The following NEBL variants were observed in gnomAD, a reference collection of about 807,000 sequenced individuals.
The protein encoded by NEBL is nebulette.
In NEBL, 122 loss-of-function variants were observed where a neutral mutation model predicts 140.2. The observed-to-expected ratio is 0.87, with a 90% CI of 0.75 to 1.01. The LOEUF is 1.01. NEBL is among the 50% of genes least tolerant of loss of function. NEBL has a pLI of 0.00. For synonymous variants in NEBL, 436 were observed against 398.9 expected (o/e 1.09, Z -1.11); for missense variants, 1,365 against 1,231.3 (o/e 1.11, Z -1.62).
chr10:20,935,383 A>G (rs1834424674), intron 4 of NEBL, among the ~76,000 whole-genome samples: 2 of 152,360 alleles, frequency 1.3e-5, no homozygotes, highest in Middle Eastern at 6.8e-3. Flanking sequence ...CAAGTAAGGC[A>G]GCAGACGATT....
At chr10:20,859,891 T>C (rs1843495646) in intron 7 of NEBL, 65 bp from the exon 8 acceptor site, 2 of 775,118 alleles carry the variant, frequency 2.6e-6, no homozygotes, top group Non-Finnish European at 2.1e-6. Context: ...GATTTTCACG[T>C]AGATAAAATA....
At chr10:20,900,077 C>T (rs80318930), upstream of NEBL, among the ~76,000 whole-genome samples, 615 of 152,302 alleles carry the variant, frequency 4.0e-3, 2 homozygotes, top group Non-Finnish European at 6.4e-3. Flanking sequence ...CCCCTATCGA[C>T]TTTTCCAAAA....
intron 3 of NEBL, among the ~76,000 whole-genome samples, chr10:21,012,309 T>C (rs1392874166): frequency 6.6e-6 from 1 of 152,056 alleles, no homozygotes; most frequent in Non-Finnish European, 1.5e-5. Context: ...AGAGCATGAT[T>C]TATGTGAGAG....
In NEBL at chr10:20,873,576, T is replaced by C. The variant is rs1041170428; in HGVS notation, c.481-3735A>G. Among the ~76,000 whole-genome samples the C allele has an allele frequency of 2.6e-5, 4 of 152,046 alleles. No homozygotes were observed. The East Asian group carries it at 7.7e-4, about 29-fold the overall frequency. ...GAGAAAAAGAAAATAATAATAATGA[T>C]AGTCTCAATTTTAGACTATTATGTA... On this transcript the variant is annotated intron_variant, in intron 5 of 27. Transcript: ENST00000377122.
chr10:21,175,002 A>C (rs957762992), upstream of NEBL: 3 of 152,244 alleles, frequency 2.0e-5, no homozygotes, highest in Non-Finnish European at 4.4e-5. Context: ...ACCTGCATTA[A>C]GGAAAGCAAT....
At chr10:20,944,481 AT>A (rs1389540105) in intron 4 of NEBL, among the ~76,000 whole-genome samples, 1 of 152,236 alleles carries the variant, frequency 6.6e-6, no homozygotes, top group African/African-American at 2.4e-5. Context: ...CATTGCAGAC[AT>A]TTTAGGTTAA....
intron 9 of NEBL, among the ~76,000 whole-genome samples, chr10:20,856,061 C>T (rs1843047139): frequency 6.6e-6 from 1 of 152,164 alleles, no homozygotes. Flanking sequence ...ACAATGTACA[C>T]AACTTTGTAA....
At chr10:20,795,572 G>C (rs1296950466) in intron 26 of NEBL, among the ~76,000 whole-genome samples, 1 of 152,112 alleles carries the variant, frequency 6.6e-6, no homozygotes, top group Non-Finnish European at 1.5e-5. Flanking sequence ...GTGTGTGTGT[G>C]TGTGTATGTC....
chr10:20,874,165 C>T (rs1310845356), intron 5 of NEBL, among the ~76,000 whole-genome samples: 1 of 152,142 alleles, frequency 6.6e-6, no homozygotes, highest in Non-Finnish European at 1.5e-5. Context: ...TATTCTTTCT[C>T]ATTTATCTAA....
At chr10:21,048,375 G>C (rs1834611454) in intron 2 of NEBL, among the ~76,000 whole-genome samples, 1 of 149,194 alleles carries the variant, frequency 6.7e-6, no homozygotes, top group Admixed American at 6.9e-5. Context: ...AGCTTCTGAT[G>C]GTTGCCACTC....
chr10:21,130,857 A>C (rs1839069687), intron 2 of NEBL, among the ~76,000 whole-genome samples: 1 of 152,024 alleles, frequency 6.6e-6, no homozygotes, highest in African/African-American at 2.4e-5. Flanking sequence ...ATTAAATACA[A>C]TGTAAGCAGA....
chr10:21,050,205 C>G (rs181888855), intron 2 of NEBL, among the ~76,000 whole-genome samples: 5 of 152,172 alleles, frequency 3.3e-5, no homozygotes, highest in African/African-American at 1.2e-4. Context: ...TCATTAGATA[C>G]GTGCTGATAA....
chr10:20,915,563 T>C (rs1848516364), intron 4 of NEBL, among the ~76,000 whole-genome samples: 4 of 151,790 alleles, frequency 2.6e-5, no homozygotes, highest in Admixed American at 2.6e-4. Flanking sequence ...ATTTCATCCA[T>C]GTCCCTACAA....
intron 2 of NEBL, among the ~76,000 whole-genome samples, chr10:21,052,099 A>T (rs758227548): frequency 6.6e-6 from 1 of 152,194 alleles, no homozygotes; most frequent in Non-Finnish European, 1.5e-5. Flanking sequence ...TTAAAAAAAA[A>T]ACTTTACATA....
intron 18 of NEBL, among the ~76,000 whole-genome samples, chr10:20,825,184 G>T (rs1033133602): frequency 1.3e-5 from 2 of 151,950 alleles, no homozygotes; most frequent in Non-Finnish European, 2.9e-5. Context: ...CTTCACAAAC[G>T]CTGACCCACA....
At chr10:21,157,090 T>A (rs914646898) in intron 2 of NEBL, among the ~76,000 whole-genome samples, 1 of 152,136 alleles carries the variant, frequency 6.6e-6, no homozygotes, top group Non-Finnish European at 1.5e-5. Context: ...AGGTCCTGGG[T>A]GAAAGAAGAG....
At chr10:21,132,924 C>T (rs1839179455) in intron 2 of NEBL, among the ~76,000 whole-genome samples, 1 of 152,288 alleles carries the variant, frequency 6.6e-6, no homozygotes, top group South Asian at 2.1e-4. Context: ...TTACATTCTA[C>T]GGGTAGTCTT....
At position 20,922,031 on chromosome 10, in the gene NEBL, G is replaced by C. The variant is rs545911404; in HGVS notation, c.357+39641C>G. 2.3e-4 allele frequency among the ~76,000 whole-genome samples: 35 copies of C among 152,332 alleles called. 1 individual carries two copies. The highest frequency in any genetic ancestry group is 8.2e-4 in the African/African-American group (34 of 41,576). Reference sequence around the variant, plus strand: ...AATAGAGCAAGCAATGGTCTCCTAAGTAGGCTCCTAAAATTGTTTTGGCTC... The same window carrying C: ...AATAGAGCAAGCAATGGTCTCCTAACTAGGCTCCTAAAATTGTTTTGGCTC... On this transcript the variant is annotated intron_variant, in intron 4 of 6. Coordinates refer to the NEBL transcript ENST00000417816.
At chr10:21,164,083 A>G (rs543193008) in intron 2 of NEBL, among the ~76,000 whole-genome samples, 5 of 152,338 alleles carry the variant, frequency 3.3e-5, no homozygotes, top group Admixed American at 2.6e-4. Flanking sequence ...ACTTTGCTGA[A>G]TTCAAATAGC....
Sources: gnomAD v4.1 joint callset for allele counts (sites outside exome capture counted in the v4.1 genomes callset) on GRCh38, gnomAD v4.1.1 for gene constraint, MANE v1.5 for transcripts, NCBI Gene and HGNC (gene_info 2026-07-23, HGNC 2026-07-21) for gene names.